Variants in AZIN2 observed in about 807,000 individuals in gnomAD.
AZIN2 encodes antizyme inhibitor 2, also known as ODC antizyme inhibitor-2.
AZIN2 carries 28 observed loss-of-function variants against 47.8 expected under a neutral mutation model. That is an observed-to-expected ratio of 0.59 (90% confidence interval 0.43 to 0.80). The LOEUF (loss-of-function observed/expected upper bound fraction) is 0.80, where lower values mean the gene tolerates loss of function less well. AZIN2 is among the 30% of genes least tolerant of loss of function. The probability of loss-of-function intolerance (pLI) is 0.00; values close to 1 mark genes in which losing one functional copy is unlikely to be tolerated. For synonymous variants in AZIN2, 221 were observed against 239.4 expected, an observed-to-expected ratio of 0.92 and a Z score of 0.71; for missense variants, 535 against 582.5, an observed-to-expected ratio of 0.92 and a Z score of 0.84.
chr1:33,165,607 C>T, the AZIN2 span: 1 of 1,544,776 alleles, frequency 6.5e-7, no homozygotes, highest in Non-Finnish European at 8.8e-7. This position sits in a 1 kb window ranked among gnomAD's most constrained non-coding sequence, Gnocchi z 4.0. Context: ...AGGGGCCATG[C>T]CTGGCCCAGG....
At chr1:33,152,511 G>A in the AZIN2 span, among the ~76,000 whole-genome samples, 1 of 150,292 alleles carries the variant, frequency 6.7e-6, no homozygotes, top group African/African-American at 2.4e-5. Flanking sequence ...AGGTTGTGGT[G>A]AGCCAAGATT....
chr1:33,163,090 G>C, the AZIN2 span: 1 of 151,954 alleles, frequency 6.6e-6, no homozygotes, highest in Non-Finnish European at 1.5e-5. Context: ...CCAGGCTGGG[G>C]TGCAGTGGCT....
rs546495752 is a variant in AZIN2 at position 33,098,344 on chromosome 1, A to G, written c.1029+165A>G. On this transcript the variant is annotated intron_variant, in intron 10 of 11. Coordinates refer to ENST00000294517, the MANE Select transcript of AZIN2 (RefSeq NM_052998.4). ...CATAATCCCACCACACTCTTTGAGC[A>G]TTACATATTTTAAAAAATGCCTTAT... Among the ~76,000 whole-genome samples, 3 of 152,374 alleles carry G rather than the reference A, an allele frequency of 2.0e-5. No homozygotes were observed. In the East Asian group the frequency reaches 5.8e-4, roughly 29 times the overall value.
At chr1:33,105,567 C>A (rs936000129) in intron 10 of AZIN2, among the ~76,000 whole-genome samples, 2 of 152,126 alleles carry the variant, frequency 1.3e-5, no homozygotes, top group African/African-American at 2.4e-5. Flanking sequence ...GAAGGGGGAA[C>A]TTCCAAACAC....
chr1:33,109,849 G>A (rs1443586691), intron 10 of AZIN2, among the ~76,000 whole-genome samples: 24 of 152,034 alleles, frequency 1.6e-4, no homozygotes. Flanking sequence ...TTGTTTATTA[G>A]TGTGTCCCAA....
chr1:33,103,451 G>C (rs1448963867), intron 10 of AZIN2, among the ~76,000 whole-genome samples: 1 of 152,110 alleles, frequency 6.6e-6, no homozygotes, highest in Non-Finnish European at 1.5e-5. Flanking sequence ...GACAGCTGCT[G>C]TATTCTCTTT....
chr1:33,147,690 G>A, the AZIN2 span: 3 of 1,613,516 alleles, frequency 1.9e-6, no homozygotes, highest in South Asian at 2.2e-5. This position sits in a 1 kb window ranked among gnomAD's most constrained non-coding sequence, Gnocchi z 8.1. Flanking sequence ...TCAGGCGCTG[G>A]TGGGCTGTGC....
the AZIN2 span, among the ~76,000 whole-genome samples, chr1:33,148,406 G>A: frequency 6.6e-6 from 1 of 152,132 alleles, no homozygotes; most frequent in Non-Finnish European, 1.5e-5. Context: ...TGAAGGGAAG[G>A]CTGCATTTGT....
At chr1:33,119,733 A>G (rs766753110) in intron 11 of AZIN2, 13 of 430,124 alleles carry the variant, frequency 3.0e-5, no homozygotes, top group Non-Finnish European at 5.1e-5. Flanking sequence ...TACATCATCA[A>G]TGCAACGGGG....
chr1:33,128,838 C>G, the AZIN2 span, among the ~76,000 whole-genome samples: 1 of 152,198 alleles, frequency 6.6e-6, no homozygotes, highest in Middle Eastern at 3.2e-3. Flanking sequence ...AAATGAACTT[C>G]TGAACATGTT....
At chr1:33,145,909 G>T in the AZIN2 span, 1 of 471,006 alleles carries the variant, frequency 2.1e-6, no homozygotes, top group South Asian at 1.5e-5. Context: ...TTCTGGATCT[G>T]ACTTAAGTTC....
At chr1:33,101,214 T>C (rs1166895436) in intron 10 of AZIN2, among the ~76,000 whole-genome samples, 2 of 152,026 alleles carry the variant, frequency 1.3e-5, no homozygotes, top group African/African-American at 4.8e-5. Context: ...CTTCTTTTTC[T>C]TTTTTGTAGA....
At chr1:33,114,495 A>G (rs1644437230) in intron 10 of AZIN2, among the ~76,000 whole-genome samples, 1 of 151,128 alleles carries the variant, frequency 6.6e-6, no homozygotes, top group Admixed American at 6.6e-5. Context: ...CTGGGACTAC[A>G]GGCGCCCGCC....
the AZIN2 span, among the ~76,000 whole-genome samples, chr1:33,135,221 G>A: frequency 2.6e-5 from 4 of 152,186 alleles, no homozygotes; most frequent in Non-Finnish European, 5.9e-5. Context: ...ACCTTGAAGC[G>A]AGGTTGCAGT....
rs112575634 is a variant in AZIN2, at chr1:33,087,733, A to G, written c.279+3606A>G. 4.9e-3 allele frequency among the ~76,000 whole-genome samples: 731 copies of G among 150,704 alleles called. 12 individuals carry two copies. Among genetic ancestry groups the G allele is most frequent in the African/African-American group, 0.017 (695 of 41,102 alleles). Reference sequence around the variant, plus strand: ...CTACAGGCATGAGCCACCACACCCGACTGGCAATGCATTCTTTAAAAAAAA... The same window carrying G: ...CTACAGGCATGAGCCACCACACCCGGCTGGCAATGCATTCTTTAAAAAAAA... On this transcript the variant is annotated intron_variant, in intron 5 of 11. Coordinates refer to ENST00000294517, the MANE Select transcript of AZIN2 (RefSeq NM_052998.4).
chr1:33,107,404 G>A (rs1067144), intron 10 of AZIN2, among the ~76,000 whole-genome samples: 3,303 of 152,100 alleles, frequency 0.022, 100 homozygotes, highest in East Asian at 0.079. Flanking sequence ...ATATGGTGAA[G>A]CCCTGTCTCT....
At chr1:33,093,889 C>T (rs1642856066) in intron 7 of AZIN2, among the ~76,000 whole-genome samples, 1 of 152,042 alleles carries the variant, frequency 6.6e-6, no homozygotes, top group Non-Finnish European at 1.5e-5. Flanking sequence ...CGTGCATTAC[C>T]ACACCTGACT....
intron 10 of AZIN2, chr1:33,101,993 A>C (rs1643741761): frequency 1.4e-6 from 1 of 690,336 alleles, no homozygotes; most frequent in Non-Finnish European, 2.7e-6. Context: ...GCTGCTGTGA[A>C]TTCTTGTTTC....
intron 10 of AZIN2, chr1:33,101,868 G>A: frequency 1.3e-6 from 1 of 779,526 alleles, no homozygotes; most frequent in Admixed American, 1.7e-5. Flanking sequence ...TGTCTCTAGA[G>A]TCCATTCATT....
Sources: allele counts gnomAD v4.1 joint callset (sites outside exome capture counted in the v4.1 genomes callset), GRCh38; gene constraint gnomAD v4.1.1; non-coding constraint Gnocchi (gnomAD v3.1); transcripts MANE v1.5; gene names NCBI Gene and HGNC (gene_info 2026-07-23, HGNC 2026-07-21).